STIM1: variants seen among roughly 807,000 people sequenced by gnomAD.
STIM1 encodes stromal interaction molecule 1.
In STIM1, 25 loss-of-function variants were observed where a neutral mutation model predicts 74.7. The ratio of observed to expected loss-of-function variants is 0.33; its 90% confidence interval spans 0.24 to 0.47. The LOEUF (loss-of-function observed/expected upper bound fraction) is 0.47, where lower values mean the gene tolerates loss of function less well. Among genes scored for constraint, STIM1 ranks in the 20% least tolerant of loss-of-function variants. The pLI, the probability that STIM1 is intolerant of heterozygous loss-of-function variation, is 1.00. For missense variants in STIM1, 728 were observed against 920.8 expected (o/e 0.79, Z 2.71); for synonymous variants, 328 against 348.8 (o/e 0.94, Z 0.66).
intron 3 of STIM1, among the ~76,000 whole-genome samples, chr11:4,039,425 A>T (rs1019444350): frequency 3.3e-5 from 5 of 151,796 alleles, no homozygotes; most frequent in African/African-American, 1.2e-4. Flanking sequence ...CGTCTCTACT[A>T]AAAATACAAA....
chr11:3,874,006 T>C (rs866746525), intron 1 of STIM1, among the ~76,000 whole-genome samples: 50 of 152,224 alleles, frequency 3.3e-4, no homozygotes, highest in African/African-American at 1.2e-3. Flanking sequence ...CTACTTTCCT[T>C]GCACTAGGTC....
At chr11:4,069,791 T>C (rs560528901) in intron 5 of STIM1, among the ~76,000 whole-genome samples, 1 of 152,352 alleles carries the variant, frequency 6.6e-6, no homozygotes, top group Admixed American at 6.5e-5. Context: ...ATAAGCATCC[T>C]GTATTGCTGT....
chr11:4,018,483 A>AAC (rs2093923456), intron 2 of STIM1, among the ~76,000 whole-genome samples: 1 of 148,962 alleles, frequency 6.7e-6, no homozygotes, highest in African/African-American at 2.5e-5. Context: ...AAAAAAAAAA[A>AAC]AAACAAACAA....
intron 1 of STIM1, among the ~76,000 whole-genome samples, chr11:3,872,366 C>G (rs1025143859): frequency 1.5e-4 from 23 of 152,100 alleles, no homozygotes; most frequent in Admixed American, 1.5e-3. Flanking sequence ...TTTTCTAACT[C>G]TTAATGACAA....
Position 4,082,923 on chromosome 11 carries a change from C to T in STIM1, c.1179C>T (p.Thr393=). 1 of 1,614,156 alleles carries T rather than the reference C, an allele frequency of 6.2e-7. No individual in the cohort carries two copies. The highest frequency in any genetic ancestry group is 8.5e-7 in the Non-Finnish European group (1 of 1,180,030). The change falls in exon 9 of 13, where the codon ACC becomes ACT. Residue 393 remains threonine (T), a synonymous_variant. Transcript: ENST00000526596. ...IKKKRNTLFG[T]FHVAHSSSLD... The stretch of plus-strand genomic sequence containing the variant: ...AGAAGAGAAACACACTCTTTGGCAC[C>T]TTCCACGTGGCCCACAGCTCTTCCC...
intron 1 of STIM1, among the ~76,000 whole-genome samples, chr11:3,958,181 C>A (rs1039882279): frequency 7.9e-5 from 12 of 152,068 alleles, no homozygotes; most frequent in Non-Finnish European, 1.6e-4. Context: ...TTTTGATGAG[C>A]GACCTCAGGG....
At chr11:3,870,029 G>A (rs894596455) in intron 1 of STIM1, among the ~76,000 whole-genome samples, 1 of 152,210 alleles carries the variant, frequency 6.6e-6, no homozygotes, top group African/African-American at 2.4e-5. Flanking sequence ...AGTGCTAGGG[G>A]ATGATTAGTG....
chr11:4,024,019 G>A (rs752969143), intron 3 of STIM1, 32 bp downstream of exon 3: 1 of 1,588,128 alleles, frequency 6.3e-7, no homozygotes. Flanking sequence ...AATCCTAGTT[G>A]TGGGAAGGTT....
chr11:3,918,115 C>T (rs1020856282), intron 1 of STIM1, among the ~76,000 whole-genome samples: 4 of 152,108 alleles, frequency 2.6e-5, no homozygotes, highest in African/African-American at 4.8e-5. Flanking sequence ...ACTCTCTCCC[C>T]CTTTGGCTCT....
chr11:3,954,284 A>G (rs1325811604), intron 1 of STIM1, among the ~76,000 whole-genome samples: 2 of 152,036 alleles, frequency 1.3e-5, no homozygotes, highest in Admixed American at 1.3e-4. Flanking sequence ...ACTTTTTGTG[A>G]GCAAAGGATG....
chr11:3,980,065 T>C (rs2093487064), intron 2 of STIM1, among the ~76,000 whole-genome samples: 2 of 152,246 alleles, frequency 1.3e-5, no homozygotes, highest in East Asian at 1.9e-4. Context: ...ATTGCCTTGC[T>C]TTGTGCCCTA....
At chr11:3,952,732 A>C (rs1189277228) in intron 1 of STIM1, among the ~76,000 whole-genome samples, 1 of 152,222 alleles carries the variant, frequency 6.6e-6, no homozygotes, top group Non-Finnish European at 1.5e-5. Context: ...AGCTGCTTGA[A>C]AGTGTTAAAT....
At position 4,006,978 on chromosome 11, in the gene STIM1, C is replaced by A. The variant is rs958266076; in HGVS notation, c.271-16895C>A. Reference sequence around the variant, plus strand: ...TCTTCTGGCTTTATGTCAGTGAATTCTCTTCTCTGGTGGATCAAGCTGGCT... The same window carrying A: ...TCTTCTGGCTTTATGTCAGTGAATTATCTTCTCTGGTGGATCAAGCTGGCT... On this transcript the variant is annotated intron_variant, in intron 2 of 12. Coordinates refer to ENST00000526596, the MANE Select transcript of STIM1 (RefSeq NM_001382567.1). 1.2e-4 allele frequency among the ~76,000 whole-genome samples: 18 copies of A among 152,162 alleles called. 1 individual carries two copies. Among genetic ancestry groups the A allele is most frequent in the African/African-American group, 4.1e-4 (17 of 41,440 alleles).
intron 2 of STIM1, among the ~76,000 whole-genome samples, chr11:4,020,331 G>T (rs1023155319): frequency 6.6e-6 from 1 of 152,084 alleles, no homozygotes; most frequent in Admixed American, 6.6e-5. Context: ...GGGATTTCTG[G>T]ATCATATGGT....
At chr11:4,043,791 C>T (rs947627058) in intron 3 of STIM1, among the ~76,000 whole-genome samples, 24 of 151,312 alleles carry the variant, frequency 1.6e-4, no homozygotes, top group South Asian at 2.1e-4. Flanking sequence ...CCAAAGTGGG[C>T]GGATCACGAG....
At chr11:3,927,302 A>G (rs1203522575) in intron 1 of STIM1, among the ~76,000 whole-genome samples, 4 of 152,180 alleles carry the variant, frequency 2.6e-5, no homozygotes, top group African/African-American at 9.7e-5. Context: ...TGGATGCCCT[A>G]TGTTGTTAAT....
At chr11:3,994,124 G>A (rs768808739) in intron 2 of STIM1, among the ~76,000 whole-genome samples, 13 of 152,116 alleles carry the variant, frequency 8.5e-5, no homozygotes, top group African/African-American at 1.4e-4. Context: ...GAGTTTTGCC[G>A]GATGTACAAT....
At chr11:3,974,955 C>T (rs1286549962) in intron 2 of STIM1, among the ~76,000 whole-genome samples, 1 of 152,114 alleles carries the variant, frequency 6.6e-6, no homozygotes, top group Non-Finnish European at 1.5e-5. Context: ...ATTTTCTTTT[C>T]TGGAGCCTAC....
At chr11:4,025,743 C>T (rs2093993239) in intron 3 of STIM1, among the ~76,000 whole-genome samples, 1 of 152,176 alleles carries the variant, frequency 6.6e-6, no homozygotes, top group Non-Finnish European at 1.5e-5. Context: ...TAGAAAACAG[C>T]TCCAGGCAGT....
Sources: allele counts gnomAD v4.1 joint callset (sites outside exome capture counted in the v4.1 genomes callset), GRCh38; gene constraint gnomAD v4.1.1; transcripts MANE v1.5; gene names NCBI Gene and HGNC (gene_info 2026-07-23, HGNC 2026-07-21).